The following NPHP1 variants were observed in gnomAD, a reference collection of about 807,000 sequenced individuals.
The protein encoded by NPHP1 is nephrocystin 1.
NPHP1 carries 70 observed loss-of-function variants against 90.4 expected under a neutral mutation model. The ratio of observed to expected loss-of-function variants is 0.77; its 90% confidence interval spans 0.64 to 0.95. The LOEUF (loss-of-function observed/expected upper bound fraction) is 0.95. Among genes scored for constraint, NPHP1 ranks in the 40% least tolerant of loss-of-function variants. The pLI is 0.00. For synonymous variants in NPHP1, 256 were observed against 271.7 expected (o/e 0.94, Z 0.57); for missense variants, 764 against 795.9 (o/e 0.96, Z 0.48).
chr2:110,197,188 A>C (rs1207547816), intron 2 of NPHP1, among the ~76,000 whole-genome samples: 1 of 152,144 alleles, frequency 6.6e-6, no homozygotes, highest in Non-Finnish European at 1.5e-5. Flanking sequence ...GCAGGGCTTA[A>C]TACCTAGGTG....
At position 110,144,565 on chromosome 2, in the gene NPHP1, A is replaced by G; in HGVS notation, c.1357T>C (p.Tyr453His). Reference protein sequence around the residue: ...ASGVPIPAKTYELFLNGGTPY... With the variant: ...ASGVPIPAKTHELFLNGGTPY... ...GTACCACCATTCAAGAAAAGCTCAT[A>G]AGTTCTATAAAAGAATAACATACAA... The change falls in exon 15 of 20, where the codon TAT becomes CAT. Residue 453 changes from tyrosine (Y) to histidine (H), a missense_variant. Coordinates refer to ENST00000445609, the MANE Select transcript of NPHP1 (RefSeq NM_001128178.3). 6.3e-7 allele frequency: 1 copy of G among 1,580,602 alleles called. No homozygotes were observed. The highest frequency in any genetic ancestry group is 1.1e-5 in the South Asian group (1 of 90,434).
chr2:110,160,118 T>C lies in NPHP1; in HGVS notation c.1083+9A>G, dbSNP rs1574117534. 6.2e-7 allele frequency: 1 copy of C among 1,612,310 alleles called. No homozygotes were observed. Among genetic ancestry groups the C allele is most frequent in the Non-Finnish European group, 8.5e-7 (1 of 1,178,520 alleles). On this transcript the variant is annotated intron_variant, in intron 11 of 19. Transcript: ENST00000445609. ...TAGTATGAATTGATTTACTTCTCAG[T>C]AACCTTACCTTATTACCATCAAATA...
intron 2 of NPHP1, among the ~76,000 whole-genome samples, chr2:110,197,320 A>C (rs968741623): frequency 2.6e-5 from 4 of 152,080 alleles, no homozygotes; most frequent in African/African-American, 9.7e-5. Context: ...TAAATAAAAA[A>C]CGTTTTAAAG....
In NPHP1 at chr2:110,186,841, T is replaced by TA. The variant is rs200133746; in HGVS notation, c.144-7158dup. ...ATAAAGTCATTCTGATAGACACATTTAAAAAAAAGAAAGAAAGAAAGAAAG... is the reference window on the plus strand; with the variant it reads ...ATAAAGTCATTCTGATAGACACATTTAAAAAAAAAGAAAGAAAGAAAGAAAG... On this transcript the variant is annotated intron_variant, in intron 2 of 19. Transcript: ENST00000445609. 4.1e-3 allele frequency among the ~76,000 whole-genome samples: 626 copies of TA among 151,400 alleles called. 3 individuals carry two copies. Among genetic ancestry groups the TA allele is most frequent in the Non-Finnish European group, 6.9e-3 (465 of 67,852 alleles).
At chr2:110,150,998 T>C (rs529757179) in intron 11 of NPHP1, among the ~76,000 whole-genome samples, 61 of 151,564 alleles carry the variant, frequency 4.0e-4, no homozygotes, top group African/African-American at 1.4e-3. Flanking sequence ...AAACCCTGTC[T>C]CTACTAAAAA....
intron 14 of NPHP1, among the ~76,000 whole-genome samples, chr2:110,145,646 C>T (rs945709429): frequency 6.6e-6 from 1 of 152,034 alleles, no homozygotes; most frequent in African/African-American, 2.4e-5. Context: ...AAATATTCTG[C>T]AACTTTTTCC....
chr2:110,169,769 C>A (rs1260578431), intron 5 of NPHP1, 37 bp downstream of exon 5: 1 of 1,426,604 alleles, frequency 7.0e-7, no homozygotes, highest in Non-Finnish European at 9.9e-7. Context: ...GTATGGACAT[C>A]GACCCTTAGG....
intron 18 of NPHP1, chr2:110,126,084 A>G (rs1679344091): frequency 3.7e-6 from 1 of 267,610 alleles, no homozygotes; most frequent in African/African-American, 2.2e-5. Context: ...TGTCATGATG[A>G]TGACAATGGT....
At chr2:110,184,333 T>C (rs1684130436) in intron 2 of NPHP1, 4 of 611,626 alleles carry the variant, frequency 6.5e-6, no homozygotes, top group Non-Finnish European at 1.2e-5. Flanking sequence ...TGGCAATATG[T>C]CTATTCTAAG....
intron 16 of NPHP1, among the ~76,000 whole-genome samples, chr2:110,133,975 A>C (rs1371784615): frequency 6.6e-6 from 1 of 152,070 alleles, no homozygotes; most frequent in Non-Finnish European, 1.5e-5. Flanking sequence ...AGGAACTAGA[A>C]GAACAAAACT....
intron 16 of NPHP1, among the ~76,000 whole-genome samples, chr2:110,143,286 C>T (rs1680781386): frequency 1.3e-5 from 2 of 151,954 alleles, no homozygotes; most frequent in African/African-American, 4.8e-5. Flanking sequence ...CATTGGTAAG[C>T]CCCATTTAGT....
rs140097469 is a variant in NPHP1, at chr2:110,149,364, C to T, written c.1158+818G>A. Among the ~76,000 whole-genome samples, 529 of 152,226 alleles carry T rather than the reference C, an allele frequency of 3.5e-3. 2 individuals are homozygous for T. Among genetic ancestry groups the T allele is most frequent in the African/African-American group, 0.012 (495 of 41,542 alleles). On this transcript the variant is annotated intron_variant, in intron 12 of 19. Transcript: ENST00000445609. ...CCTAAACTCTTCACATACACAGAGA[C>T]GCAATAACAGAATTGTGAAGTACTG...
chr2:110,150,290 A>G (rs1174178264), intron 11 of NPHP1, 34 bp from the exon 12 acceptor site: 2 of 1,597,302 alleles, frequency 1.3e-6, no homozygotes, highest in East Asian at 4.5e-5. Context: ...AAATCATGTA[A>G]AAAGCTCTTT....
At chr2:110,201,333 C>T (rs979225551) in intron 2 of NPHP1, 88 bp downstream of exon 2, 1 of 880,914 alleles carries the variant, frequency 1.1e-6, no homozygotes, top group Non-Finnish European at 1.9e-6. Context: ...CCATTTGATT[C>T]CAAAGGACCA....
intron 14 of NPHP1, among the ~76,000 whole-genome samples, chr2:110,144,889 T>G (rs1430212812): frequency 6.6e-6 from 1 of 152,100 alleles, no homozygotes; most frequent in Non-Finnish European, 1.5e-5. Context: ...TAATGACAAG[T>G]GATTTTTTTT....
chr2:110,130,113 G>A (rs766722792), intron 17 of NPHP1, among the ~76,000 whole-genome samples: 4 of 151,946 alleles, frequency 2.6e-5, no homozygotes, highest in Non-Finnish European at 5.9e-5. Flanking sequence ...CTTCTGTAAG[G>A]GTCTCTAATC....
intron 11 of NPHP1, among the ~76,000 whole-genome samples, chr2:110,151,542 T>A (rs1415572270): frequency 6.6e-6 from 1 of 152,122 alleles, no homozygotes; most frequent in Non-Finnish European, 1.5e-5. Flanking sequence ...TTTAAAATAA[T>A]CCCAAATGTG....
At chr2:110,197,192 C>G (rs772040052) in intron 2 of NPHP1, among the ~76,000 whole-genome samples, 2 of 152,046 alleles carry the variant, frequency 1.3e-5, no homozygotes, top group African/African-American at 2.4e-5. Flanking sequence ...GGCTTAATAC[C>G]TAGGTGATGG....
intron 2 of NPHP1, chr2:110,184,268 C>T (rs1451549413): frequency 2.5e-5 from 15 of 589,568 alleles, no homozygotes; most frequent in Non-Finnish European, 4.7e-5. Flanking sequence ...TGCTCTCAAT[C>T]TGCTATCTCA....
Sources: allele counts gnomAD v4.1 joint callset (sites outside exome capture counted in the v4.1 genomes callset), GRCh38; gene constraint gnomAD v4.1.1; transcripts MANE v1.5; gene names NCBI Gene and HGNC (gene_info 2026-07-23, HGNC 2026-07-21).